PDE12: variants seen among roughly 807,000 people sequenced by gnomAD.
The protein encoded by PDE12 is 2',5'-phosphodiesterase 12.
A neutral mutation model predicts 45.4 loss-of-function variants in PDE12; 26 were observed. That is an observed-to-expected ratio of 0.57 (90% CI 0.42 to 0.79). The LOEUF is 0.79. PDE12 is among the 30% of genes least tolerant of loss of function. PDE12 has a pLI of 0.00. For synonymous variants in PDE12, 283 were observed against 323.9 expected, an observed-to-expected ratio of 0.87 and a Z score of 1.36; for missense variants, 668 against 790.0, an observed-to-expected ratio of 0.85 and a Z score of 1.85.
the PDE12 span, chr3:57,584,060 C>G: frequency 8.1e-7 from 1 of 1,230,726 alleles, no homozygotes; most frequent in Non-Finnish European, 1.2e-6. Flanking sequence ...GAAAATAAAA[C>G]CTTTTATTGT....
the PDE12 span, among the ~76,000 whole-genome samples, chr3:57,654,157 G>A: frequency 2.5e-3 from 374 of 150,228 alleles, 1 homozygote; most frequent in Non-Finnish European, 3.8e-3. Context: ...GGGTTTCACC[G>A]TGTTAGCCAG....
chr3:57,564,974 C>G lies in PDE12; in HGVS notation c.*4970C>G, dbSNP rs1313578059. The G allele has an allele frequency of 6.6e-6, 1 of 151,978 alleles. No individual in the cohort carries two copies. The highest frequency in any genetic ancestry group is 1.5e-5 in the Non-Finnish European group (1 of 68,086). The allele number at this position is 151,978 out of a possible 1,614,324, so 9.4% of individuals were successfully genotyped here. On this transcript the variant is annotated 3_prime_UTR_variant, in exon 3 of 3. Coordinates refer to ENST00000311180, the MANE Select transcript of PDE12 (RefSeq NM_177966.7). ...GATATTACAGACATGAGCCACCCCACCCAGTCAGCACACATTTTTTTTTTT... is the reference window on the plus strand; with the variant it reads ...GATATTACAGACATGAGCCACCCCAGCCAGTCAGCACACATTTTTTTTTTT...
the PDE12 span, chr3:57,630,692 T>TA: frequency 6.2e-7 from 1 of 1,605,200 alleles, no homozygotes; most frequent in Non-Finnish European, 8.5e-7. Flanking sequence ...CACATGGGTG[T>TA]AAAACAGGGA....
chr3:57,643,816 G>C, the PDE12 span, among the ~76,000 whole-genome samples: 9 of 144,926 alleles, frequency 6.2e-5, no homozygotes, highest in Non-Finnish European at 1.2e-4. Context: ...AACAGAGCGA[G>C]ACTCTGTCTC....
the PDE12 span, chr3:57,596,618 T>C: frequency 1.3e-5 from 2 of 154,816 alleles, no homozygotes; most frequent in African/African-American, 2.4e-5. Flanking sequence ...TACATACCAA[T>C]GGAGTATGCA....
the PDE12 span, chr3:57,584,050 GAAAAT>G: frequency 7.5e-7 from 1 of 1,326,620 alleles, no homozygotes; most frequent in Non-Finnish European, 1.1e-6. Context: ...GCGTCATTAA[GAAAAT>G]AAAACCTTTT....
At chr3:57,625,104 T>C in the PDE12 span, among the ~76,000 whole-genome samples, 2,103 of 152,194 alleles carry the variant, frequency 0.014, 50 homozygotes, top group African/African-American at 0.048. Context: ...GGGTCTCACT[T>C]TGTTTGCCTA....
chr3:57,583,452 G>A, the PDE12 span, among the ~76,000 whole-genome samples: 1 of 152,148 alleles, frequency 6.6e-6, no homozygotes, highest in South Asian at 2.1e-4. Flanking sequence ...CATACTATGT[G>A]GCAATATAAA....
the PDE12 span, among the ~76,000 whole-genome samples, chr3:57,617,628 C>T: frequency 3.0e-3 from 455 of 151,446 alleles, 2 homozygotes; most frequent in African/African-American, 0.01. Context: ...TTTGGGAGGC[C>T]GAGGTGGGAG....
downstream of PDE12, among the ~76,000 whole-genome samples, chr3:57,569,608 G>A (rs1021047120): frequency 2.0e-5 from 3 of 151,614 alleles, no homozygotes; most frequent in South Asian, 2.1e-4. Flanking sequence ...CACCTGCCTC[G>A]GCCTCCCAAA....
chr3:57,597,228 A>C, the PDE12 span: 3 of 1,274,528 alleles, frequency 2.4e-6, no homozygotes, highest in Non-Finnish European at 3.4e-6. Flanking sequence ...GGCAAACTAA[A>C]CGAGAGGGAA....
the PDE12 span, among the ~76,000 whole-genome samples, chr3:57,608,252 A>C: frequency 1.3e-5 from 2 of 152,220 alleles, no homozygotes; most frequent in Non-Finnish European, 2.9e-5. Flanking sequence ...AAACATGGAA[A>C]GGAACAAGCA....
the PDE12 span, among the ~76,000 whole-genome samples, chr3:57,603,765 G>A: frequency 6.6e-6 from 1 of 152,032 alleles, no homozygotes; most frequent in South Asian, 2.1e-4. Flanking sequence ...TGGGATTACA[G>A]GCATGCACCA....
chr3:57,591,976 T>A, the PDE12 span, among the ~76,000 whole-genome samples: 1 of 152,186 alleles, frequency 6.6e-6, no homozygotes, highest in Non-Finnish European at 1.5e-5. Flanking sequence ...AATTAGACAA[T>A]GGTGATGGTT....
chr3:57,651,954 A>AC, the PDE12 span, among the ~76,000 whole-genome samples: 1 of 152,168 alleles, frequency 6.6e-6, no homozygotes, highest in East Asian at 1.9e-4. Flanking sequence ...CACTCCTGTA[A>AC]CCCCAACACC....
chr3:57,559,766 A>T lies in PDE12; in HGVS notation c.1592A>T (p.Asn531Ile). Residue 531 changes from asparagine (N) to isoleucine (I), a missense_variant, in exon 3 of 3, where the codon AAT becomes ATT. By Grantham distance (149) the Asn-to-Ile change is moderately radical. Coordinates refer to ENST00000311180, the MANE Select transcript of PDE12 (RefSeq NM_177966.7). ...WASNGEEERC[N>I]MSLTHFFKLK... ...TCCAATGGGGAGGAGGAAAGATGCA[A>T]TATGTCTCTTACACATTTCTTCAAG... 1 of 1,614,222 alleles carries T rather than the reference A, an allele frequency of 6.2e-7. No individual in the cohort carries two copies. The highest frequency in any genetic ancestry group is 8.5e-7 in the Non-Finnish European group (1 of 1,180,026).
At chr3:57,576,236 G>C in the PDE12 span, among the ~76,000 whole-genome samples, 1 of 152,106 alleles carries the variant, frequency 6.6e-6, no homozygotes, top group Non-Finnish European at 1.5e-5. Context: ...AGTCACAAAA[G>C]AACACATTGT....
At chr3:57,589,248 A>C in the PDE12 span, among the ~76,000 whole-genome samples, 1 of 152,138 alleles carries the variant, frequency 6.6e-6, no homozygotes, top group African/African-American at 2.4e-5. Context: ...AGCCTGGGCA[A>C]CAGAATTGAG....
chr3:57,634,357 CG>C, the PDE12 span, among the ~76,000 whole-genome samples: 3 of 150,098 alleles, frequency 2.0e-5, no homozygotes, highest in African/African-American at 7.4e-5. Flanking sequence ...CACTTGAACC[CG>C]GGAGGTGGAG....
Sources: allele counts gnomAD v4.1 joint callset (sites outside exome capture counted in the v4.1 genomes callset), GRCh38; gene constraint gnomAD v4.1.1; transcripts MANE v1.5; gene names NCBI Gene and HGNC (gene_info 2026-07-23, HGNC 2026-07-21).